The following DENND1B variants were observed in gnomAD, a reference collection of about 807,000 sequenced individuals.
DENND1B encodes the protein DENN domain-containing protein 1B.
In DENND1B, 59 loss-of-function variants were observed where a neutral mutation model predicts 90.1. The ratio of observed to expected loss-of-function variants is 0.65; its 90% CI spans 0.53 to 0.81. The LOEUF (loss-of-function observed/expected upper bound fraction) is 0.81, where lower values mean the gene tolerates loss of function less well. DENND1B is among the 40% of genes least tolerant of loss of function. The probability of loss-of-function intolerance (pLI) is 0.00; values close to 1 mark genes in which losing one functional copy is unlikely to be tolerated. For missense variants in DENND1B, 862 were observed against 912.6 expected, an observed-to-expected ratio of 0.94 and a Z score of 0.71; for synonymous variants, 337 against 324.6, an observed-to-expected ratio of 1.04 and a Z score of -0.41.
intron 3 of DENND1B, among the ~76,000 whole-genome samples, chr1:197,713,852 T>TATTATA (rs1186096088): frequency 3.8e-3 from 26 of 6,762 alleles, no homozygotes; most frequent in African/African-American, 0.027. Context: ...TATTATATTA[T>TATTATA]TATAATATAT....
intron 3 of DENND1B, among the ~76,000 whole-genome samples, chr1:197,686,165 A>G (rs1234763938): frequency 6.6e-6 from 1 of 152,186 alleles, no homozygotes; most frequent in Non-Finnish European, 1.5e-5. Context: ...ATAAGGGAGG[A>G]ACTATAAATA....
At chr1:197,667,186 A>G (rs1381901793) in intron 5 of DENND1B, among the ~76,000 whole-genome samples, 1 of 152,174 alleles carries the variant, frequency 6.6e-6, no homozygotes, top group African/African-American at 2.4e-5. Context: ...GTACAGTAAA[A>G]TTAAGTAACC....
intron 3 of DENND1B, among the ~76,000 whole-genome samples, chr1:197,704,861 TA>T (rs1659374230): frequency 6.6e-6 from 1 of 151,910 alleles, no homozygotes; most frequent in Admixed American, 6.6e-5. Context: ...AAAATAAAGC[TA>T]AAAATTTAAG....
At chr1:197,720,394 T>C (rs1353501771) in intron 2 of DENND1B, among the ~76,000 whole-genome samples, 1 of 151,936 alleles carries the variant, frequency 6.6e-6, no homozygotes. Context: ...TGCACCACCA[T>C]GCCCAACTAA....
intron 2 of DENND1B, among the ~76,000 whole-genome samples, chr1:197,768,416 A>C (rs184867937): frequency 6.6e-6 from 1 of 152,204 alleles, no homozygotes; most frequent in Non-Finnish European, 1.5e-5. Flanking sequence ...GTTACTTTTC[A>C]TTTCCCTGAA....
Position 197,553,072 on chromosome 1 carries a change from C to G in DENND1B, c.1190G>C (p.Gly397Ala). Residue 397 changes from glycine (G) to alanine (A), a missense_variant, in exon 16 of 23, where the codon GGT (glycine) becomes GCT (alanine). Coordinates refer to ENST00000620048, the MANE Select transcript of DENND1B (RefSeq NM_001195215.2). ...GRLAKLNAGRGFSDVFEEEIT... is the reference protein window; with the variant it reads ...GRLAKLNAGRAFSDVFEEEIT... ...CTCTTCTTCAAATACATCAGAGAAA[C>G]CCCTTCCTGCATTTAGTTTTGCCAG... 1 of 1,550,202 alleles carries G rather than the reference C, an allele frequency of 6.5e-7. No individual in the cohort carries two copies. The highest frequency in any genetic ancestry group is 8.7e-7 in the Non-Finnish European group (1 of 1,155,292).
intron 10 of DENND1B, among the ~76,000 whole-genome samples, chr1:197,641,309 A>T (rs1416111334): frequency 6.6e-6 from 1 of 152,156 alleles, no homozygotes; most frequent in East Asian, 1.9e-4. Context: ...GAGGAGGAGG[A>T]GCTGGGGAGA....
At chr1:197,649,656 G>A (rs1427333382) in intron 7 of DENND1B, among the ~76,000 whole-genome samples, 2 of 152,114 alleles carry the variant, frequency 1.3e-5, no homozygotes, top group Non-Finnish European at 2.9e-5. Context: ...TGGGATAATT[G>A]GCTAGCCACA....
At chr1:197,771,927 C>T (rs1467712170) in intron 2 of DENND1B, among the ~76,000 whole-genome samples, 1 of 152,118 alleles carries the variant, frequency 6.6e-6, no homozygotes, top group Admixed American at 6.5e-5. Context: ...CACATATGCA[C>T]AATACACAAT....
At position 197,510,439 on chromosome 1, in the gene DENND1B, A is replaced by G; in HGVS notation, c.*21T>C. 6.3e-7 allele frequency: 1 copy of G among 1,581,576 alleles called. No individual in the cohort carries two copies. On this transcript the variant is annotated 3_prime_UTR_variant, in exon 23 of 23. Coordinates refer to ENST00000620048, the MANE Select transcript of DENND1B (RefSeq NM_001195215.2). ...TTGCATTGAATCTCAAAATGTCTCC[A>G]TAGAAGCTTGGATGCAAGATTTAAG... is the stretch of plus-strand genomic sequence containing the variant.
chr1:197,595,440 T>G, intron 13 of DENND1B, 107 bp from the exon 14 acceptor site: 1 of 1,343,742 alleles, frequency 7.4e-7, no homozygotes. Flanking sequence ...AGCCAAAAAT[T>G]CATCCTCCTC....
chr1:197,573,920 C>T (rs530059087), intron 15 of DENND1B, among the ~76,000 whole-genome samples: 1 of 152,192 alleles, frequency 6.6e-6, no homozygotes, highest in South Asian at 2.1e-4. Flanking sequence ...GCTAAAAACT[C>T]GCAATAAGGT....
At chr1:197,583,107 G>A in intron 15 of DENND1B, 45 bp downstream of exon 15, 2 of 1,510,390 alleles carry the variant, frequency 1.3e-6, no homozygotes, top group Non-Finnish European at 1.8e-6. Context: ...GTGTAAAACT[G>A]ACAATGTTGT....
intron 18 of DENND1B, 30 bp downstream of exon 18, chr1:197,545,892 A>G: frequency 1.3e-6 from 2 of 1,540,894 alleles, no homozygotes; most frequent in South Asian, 1.2e-5. Flanking sequence ...AATTTCATAA[A>G]TAGGATTGTT....
chr1:197,586,997 GCAA>G (rs934896769), intron 14 of DENND1B, among the ~76,000 whole-genome samples: 1 of 152,144 alleles, frequency 6.6e-6, no homozygotes, highest in African/African-American at 2.4e-5. Flanking sequence ...TCACAAAACG[GCAA>G]CAACAAGTAC....
At chr1:197,582,121 A>T (rs1007211552) in intron 15 of DENND1B, among the ~76,000 whole-genome samples, 16 of 152,178 alleles carry the variant, frequency 1.1e-4, no homozygotes, top group Non-Finnish European at 2.4e-4. Context: ...TGTACAGGAT[A>T]ACCTTAACCC....
At chr1:197,583,109 C>A (rs374219872) in intron 15 of DENND1B, 43 bp downstream of exon 15, 52 of 1,525,522 alleles carry the variant, frequency 3.4e-5, no homozygotes, top group Non-Finnish European at 4.3e-5. Context: ...GTAAAACTGA[C>A]AATGTTGTCT....
At chr1:197,686,956 T>C (rs1185507773) in intron 3 of DENND1B, among the ~76,000 whole-genome samples, 1 of 152,174 alleles carries the variant, frequency 6.6e-6, no homozygotes, top group Non-Finnish European at 1.5e-5. Context: ...TTCATGCAAC[T>C]TTTCCTCTCT....
rs1677070808 is a variant in DENND1B, at chr1:197,610,357, T to C, written c.819+1574A>G. 2.0e-5 allele frequency among the ~76,000 whole-genome samples: 3 copies of C among 150,660 alleles called. No individual in the cohort carries two copies. The Admixed American group carries it at 2.0e-4, about 10-fold the overall frequency. ...TTATTTATAGGTATCCAAGAATATA[T>C]GATAAATTAAATTGAATGTTTAAAA... On this transcript the variant is annotated intron_variant, in intron 12 of 22. Coordinates refer to ENST00000620048, the MANE Select transcript of DENND1B (RefSeq NM_001195215.2).
Sources: allele counts gnomAD v4.1 joint callset (sites outside exome capture counted in the v4.1 genomes callset), GRCh38; gene constraint gnomAD v4.1.1; transcripts MANE v1.5; gene names NCBI Gene and HGNC (gene_info 2026-07-23, HGNC 2026-07-21).